GRIA3: variants seen among roughly 807,000 people sequenced by gnomAD.
GRIA3 encodes glutamate receptor 3.
GRIA3 carries 3 observed loss-of-function variants against 63.0 expected under a neutral mutation model. The observed-to-expected ratio is 0.05, with a 90% CI of 0.02 to 0.12. The LOEUF is 0.12. GRIA3 is among the 10% of genes least tolerant of loss of function. GRIA3 has a pLI of 1.00. For missense variants in GRIA3, 347 were observed against 700.9 expected (o/e 0.50, Z 5.70); for synonymous variants, 274 against 257.9 (o/e 1.06, Z -0.60).
chrX:123,452,936 T>C (rs142012080), intron 12 of GRIA3, among the ~76,000 whole-genome samples: 1,437 of 112,054 alleles, frequency 0.013, 70 homozygotes, highest in Admixed American at 0.12. Context: ...TTTACACTGT[T>C]GGTGGGACTG....
intron 13 of GRIA3, among the ~76,000 whole-genome samples, chrX:123,468,260 C>A (rs1446768569): frequency 1.8e-5 from 2 of 109,639 alleles, no homozygotes; most frequent in Admixed American, 2.0e-4. Flanking sequence ...GAACGTGAAT[C>A]TGGTTACCAC....
intron 3 of GRIA3, among the ~76,000 whole-genome samples, chrX:123,304,147 T>C (rs2044741002): frequency 9.0e-6 from 1 of 111,485 alleles, no homozygotes; most frequent in African/African-American, 3.3e-5. Flanking sequence ...TTCAGTTGGT[T>C]ATATTTATCA....
intron 3 of GRIA3, among the ~76,000 whole-genome samples, chrX:123,298,571 A>G (rs1049309623): frequency 8.1e-5 from 9 of 111,166 alleles, no homozygotes; most frequent in African/African-American, 2.3e-4. Context: ...CCACTTTTTA[A>G]TGGGGTCGTT....
At chrX:123,333,709 TC>T (rs966134380) in intron 4 of GRIA3, among the ~76,000 whole-genome samples, 4 of 111,312 alleles carry the variant, frequency 3.6e-5, no homozygotes, top group African/African-American at 1.3e-4. Flanking sequence ...CATCTTCTTC[TC>T]CCAAGTGCAT....
intron 3 of GRIA3, among the ~76,000 whole-genome samples, chrX:123,321,858 T>C (rs1310333152): frequency 9.0e-6 from 1 of 111,393 alleles, no homozygotes; most frequent in East Asian, 2.8e-4. Context: ...AAAGAGAAAA[T>C]GAGCTATGGT....
Position 123,341,784 on chromosome X carries a change from C to T in GRIA3, c.697-13126C>T, listed in dbSNP as rs1038067077. Reference sequence around the variant, plus strand: ...AGCTCAGAAGGTACCTGGTTTATCACGGAGTCTAAAGAAAAAATGAGAGGC... The same window carrying T: ...AGCTCAGAAGGTACCTGGTTTATCATGGAGTCTAAAGAAAAAATGAGAGGC... On this transcript the variant is annotated intron_variant, in intron 4 of 15. Transcript: ENST00000620443. Among the ~76,000 whole-genome samples the T allele has an allele frequency of 5.4e-5, 6 of 111,924 alleles. No individual in the cohort carries two copies. In the South Asian group the frequency reaches 1.9e-3, roughly 35 times the overall value.
chrX:123,378,336 T>G (rs1201734746), intron 5 of GRIA3, among the ~76,000 whole-genome samples: 1 of 111,121 alleles, frequency 9.0e-6, no homozygotes, highest in Non-Finnish European at 1.9e-5. Flanking sequence ...ATCGTCCAAA[T>G]GTTTAATATT....
chrX:123,287,525 C>G (rs2044628099), intron 3 of GRIA3, among the ~76,000 whole-genome samples: 1 of 112,045 alleles, frequency 8.9e-6, no homozygotes, highest in African/African-American at 3.2e-5. Context: ...CCCATCGTCT[C>G]AGCCCAAAAT....
intron 5 of GRIA3, among the ~76,000 whole-genome samples, chrX:123,365,617 GA>G (rs1182111976): frequency 1.8e-5 from 2 of 109,018 alleles, no homozygotes; most frequent in African/African-American, 6.6e-5. Flanking sequence ...ACTGGAGAGG[GA>G]AAAAAAAAGA....
intron 12 of GRIA3, among the ~76,000 whole-genome samples, chrX:123,434,882 C>T (rs1379303986): frequency 8.9e-6 from 1 of 112,084 alleles, no homozygotes; most frequent in East Asian, 2.8e-4. Flanking sequence ...TATCTGCCTC[C>T]AAGAGAAAGG....
chrX:123,398,437 T>C (rs2045425483), intron 6 of GRIA3, among the ~76,000 whole-genome samples, 199 bp from the exon 7 acceptor site: 1 of 111,811 alleles, frequency 8.9e-6, no homozygotes. Flanking sequence ...TTGTAATAAT[T>C]GTAACACATG....
At chrX:123,328,196 T>C (rs1006837315) in intron 4 of GRIA3, among the ~76,000 whole-genome samples, 3 of 111,643 alleles carry the variant, frequency 2.7e-5, no homozygotes, top group Non-Finnish European at 5.7e-5. Context: ...TATGCCTCAG[T>C]TTTCTCATCT....
At chrX:123,449,928 A>G (rs2045721952) in intron 12 of GRIA3, among the ~76,000 whole-genome samples, 2 of 111,561 alleles carry the variant, frequency 1.8e-5, no homozygotes, top group Admixed American at 1.9e-4. Context: ...CCCAAGACCT[A>G]TCTTGATTCT....
At chrX:123,398,302 T>G (rs983302271) in intron 6 of GRIA3, among the ~76,000 whole-genome samples, 14 of 112,204 alleles carry the variant, frequency 1.2e-4, no homozygotes, top group African/African-American at 4.2e-4. Context: ...AGTCTATACA[T>G]GCCATCCTTT....
At chrX:123,320,156 G>A (rs1387920496) in intron 3 of GRIA3, among the ~76,000 whole-genome samples, 1 of 111,487 alleles carries the variant, frequency 9.0e-6, no homozygotes, top group Admixed American at 9.5e-5. Context: ...CTAACCTTCT[G>A]TGGACCTGTC....
intron 3 of GRIA3, among the ~76,000 whole-genome samples, chrX:123,305,189 C>T (rs1349037712): frequency 3.6e-5 from 4 of 111,395 alleles, no homozygotes; most frequent in East Asian, 2.8e-4. Flanking sequence ...GAAAAATGTA[C>T]TGTTTTCACG....
intron 12 of GRIA3, among the ~76,000 whole-genome samples, chrX:123,434,247 C>A (rs1181315233): frequency 2.7e-5 from 3 of 112,013 alleles, no homozygotes; most frequent in Non-Finnish European, 5.6e-5. Flanking sequence ...CATCCCCTTG[C>A]CTTAGGAAAC....
rs938402703 is a variant in GRIA3 at position 123,209,849 on chromosome X, T to C, written c.268+23859T>C. Reference sequence around the variant, plus strand: ...GTGTGGGGGAGGTACTGAGTCCATATGCCTGTCAAAAATAATGACAGACAG... The same window carrying C: ...GTGTGGGGGAGGTACTGAGTCCATACGCCTGTCAAAAATAATGACAGACAG... On this transcript the variant is annotated intron_variant, in intron 2 of 15. Transcript: ENST00000620443. 2.7e-5 allele frequency among the ~76,000 whole-genome samples: 3 copies of C among 111,152 alleles called. No homozygotes were observed. The South Asian group carries it at 1.1e-3, about 42-fold the overall frequency.
intron 12 of GRIA3, among the ~76,000 whole-genome samples, chrX:123,452,080 G>C (rs2045735497): frequency 8.9e-6 from 1 of 111,836 alleles, no homozygotes; most frequent in African/African-American, 3.3e-5. Context: ...CTTAATAAAT[G>C]GTAGCCCTCT....
Sources: gnomAD v4.1 joint callset for allele counts (sites outside exome capture counted in the v4.1 genomes callset) on GRCh38, gnomAD v4.1.1 for gene constraint, MANE v1.5 for transcripts, NCBI Gene and HGNC (gene_info 2026-07-23, HGNC 2026-07-21) for gene names.